The following GAS6 variants were observed in gnomAD, a reference collection of about 807,000 sequenced individuals.
GAS6 encodes growth arrest-specific protein 6.
Under a neutral mutation model 75.8 loss-of-function variants are expected in GAS6, and 41 were observed. The ratio of observed to expected loss-of-function variants is 0.54; its 90% CI spans 0.42 to 0.70. The LOEUF is 0.70. Among genes scored for constraint, GAS6 ranks in the 30% least tolerant of loss-of-function variants. The probability of loss-of-function intolerance (pLI) is 0.00; values close to 1 mark genes in which losing one functional copy is unlikely to be tolerated. For synonymous variants in GAS6, 432 were observed against 412.6 expected (o/e 1.05, Z -0.57); for missense variants, 854 against 940.2 (o/e 0.91, Z 1.20).
At position 113,822,171 on chromosome 13, in the gene GAS6, C is replaced by T. The variant is rs375892497; in HGVS notation, c.1669G>A (p.Val557Met). ...KLKKQLVVLAVEHTALALMEI... is the reference protein window; with the variant it reads ...KLKKQLVVLAMEHTALALMEI... Reference sequence around the variant, plus strand: ...ATTAGGGCCAAGGCCGTATGCTCCACGGCCAGGACCACCAGCTGCAGGAGA... The same window carrying T: ...ATTAGGGCCAAGGCCGTATGCTCCATGGCCAGGACCACCAGCTGCAGGAGA... Residue 557 changes from valine to methionine, a missense_variant, in exon 14 of 15, where the codon GTG (valine) becomes ATG (methionine). Coordinates refer to ENST00000327773, the MANE Select transcript of GAS6 (RefSeq NM_000820.4). 1.5e-5 allele frequency: 23 copies of T among 1,558,540 alleles called. No individual in the cohort carries two copies. Among genetic ancestry groups the T allele is most frequent in the East Asian group, 1.4e-4 (6 of 43,220 alleles).
intron 2 of GAS6, among the ~76,000 whole-genome samples, chr13:113,849,849 T>C (rs2051859976): frequency 6.6e-6 from 1 of 152,194 alleles, no homozygotes; most frequent in Admixed American, 6.5e-5. Flanking sequence ...GAGACAGTAA[T>C]GGAGGCAGAA....
chr13:113,829,830 C>T (rs1209137474), intron 10 of GAS6, among the ~76,000 whole-genome samples: 5 of 150,252 alleles, frequency 3.3e-5, no homozygotes, highest in Non-Finnish European at 5.9e-5. Flanking sequence ...GACCTGACCT[C>T]GGGGAGACCA....
intron 6 of GAS6, among the ~76,000 whole-genome samples, chr13:113,836,726 GAAT>G (rs1232988579): frequency 2.8e-4 from 4 of 14,276 alleles, no homozygotes; most frequent in Admixed American, 1.0e-3. Flanking sequence ...AAGAAGAGGG[GAAT>G]GAGGAGGAGG....
chr13:113,829,308 C>T (rs1402431575), intron 10 of GAS6, among the ~76,000 whole-genome samples: 10 of 151,156 alleles, frequency 6.6e-5, no homozygotes, highest in Admixed American at 3.3e-4. Flanking sequence ...CTCACCTGGG[C>T]GAAGAGGGTC....
At chr13:113,855,594 G>A (rs1434475562) in intron 2 of GAS6, among the ~76,000 whole-genome samples, 5 of 152,176 alleles carry the variant, frequency 3.3e-5, no homozygotes, top group South Asian at 4.1e-4. Flanking sequence ...GATCCAACGC[G>A]CAGGGGCCTG....
chr13:113,864,063 C>T lies in GAS6; in HGVS notation c.-143G>A, dbSNP rs1046042991. On this transcript the variant is annotated 5_prime_UTR_variant, in exon 1 of 15. Transcript: ENST00000327773. ...GGCGGCGGCGGCGGCTGCGGCACCT[C>T]AAGCGCTCGGTCTGGGCGTGTTCGG... The T allele has an allele frequency of 7.3e-4, 637 of 874,212 alleles. 2 individuals carry two copies. The Middle Eastern group carries it at 9.7e-3, about 13-fold the overall frequency. The allele number at this position is 874,212 out of a possible 1,614,324, so 54.2% of individuals were successfully genotyped here. A position where few individuals can be genotyped will look rare whatever the true frequency, so the allele number is the denominator to read the frequency against.
At chr13:113,849,372 G>C (rs1232483454) in intron 2 of GAS6, among the ~76,000 whole-genome samples, 5 of 152,156 alleles carry the variant, frequency 3.3e-5, no homozygotes, top group African/African-American at 7.2e-5. Context: ...GAAAAGGCAA[G>C]AACAGCCATA....
chr13:113,826,538 G>A lies in GAS6; in HGVS notation c.1477+458C>T, dbSNP rs1170394672. On this transcript the variant is annotated intron_variant, in intron 12 of 14. Transcript: ENST00000327773. Reference sequence around the variant, plus strand: ...CACCTTCTCTCCCCGGCCTCCCGGCGCCGGCCTCGCAGGCACCTTCTCTCC... The same window carrying A: ...CACCTTCTCTCCCCGGCCTCCCGGCACCGGCCTCGCAGGCACCTTCTCTCC... Among the ~76,000 whole-genome samples the A allele has an allele frequency of 5.8e-4, 45 of 78,204 alleles. 1 individual carries two copies. The highest frequency in any genetic ancestry group is 1.9e-3 in the African/African-American group (33 of 17,732). The allele number at this position is 78,204 out of a possible 152,430, so 51.3% of individuals were successfully genotyped here. A position where few individuals can be genotyped will look rare whatever the true frequency, so the allele number is the denominator to read the frequency against.
intron 5 of GAS6, 48 bp from the exon 6 acceptor site, chr13:113,838,239 C>T: frequency 6.2e-7 from 1 of 1,602,616 alleles, no homozygotes; most frequent in Non-Finnish European, 8.5e-7. Context: ...TGCACAGCCC[C>T]TGGCTACGGT....
chr13:113,826,761 ATC>A (rs1428373753), intron 12 of GAS6, among the ~76,000 whole-genome samples: 1 of 152,076 alleles, frequency 6.6e-6, no homozygotes, highest in Non-Finnish European at 1.5e-5. Context: ...TTCTCGGCAC[ATC>A]TCTCTCATTT....
intron 2 of GAS6, among the ~76,000 whole-genome samples, chr13:113,857,034 T>G (rs2051920623): frequency 6.6e-6 from 1 of 152,194 alleles, no homozygotes. Context: ...GGTCAAGCTG[T>G]GTGTTTTCCA....
intron 4 of GAS6, chr13:113,842,595 T>A: frequency 2.5e-6 from 1 of 396,958 alleles, no homozygotes; most frequent in Non-Finnish European, 4.4e-6. Context: ...ATGAGGGGCG[T>A]ATCCGCTTCT....
chr13:113,829,167 G>A (rs1474362590), intron 10 of GAS6, among the ~76,000 whole-genome samples: 8 of 102,616 alleles, frequency 7.8e-5, no homozygotes, highest in African/African-American at 4.8e-4. Flanking sequence ...ATCCTCCCCT[G>A]AGCCAAGAGG....
At chr13:113,856,726 G>C (rs1281604334) in intron 2 of GAS6, among the ~76,000 whole-genome samples, 1 of 152,218 alleles carries the variant, frequency 6.6e-6, no homozygotes, top group African/African-American at 2.4e-5. Context: ...TTCCAGGTGT[G>C]GTGGAGACAG....
chr13:113,832,450 T>C lies in GAS6; in HGVS notation c.992A>G (p.Glu331Gly). The C allele has an allele frequency of 6.2e-7, 1 of 1,607,578 alleles. No individual in the cohort carries two copies. The highest frequency in any genetic ancestry group is 8.5e-7 in the Non-Finnish European group (1 of 1,176,094). Residue 331 changes from glutamate to glycine, a missense_variant, in exon 10 of 15, where the codon GAG (glutamate) becomes GGG (glycine). Transcript: ENST00000327773. The stretch of plus-strand genomic sequence containing the variant: ...GCCTCCGGCAAAGAGGAGGATGCCC[T>C]CGGGGTCAAAGGTCCGGAAGTCAAA... ...AEFDFRTFDP[E>G]GILLFAGGHQ... is the part of the protein sequence containing the mutation.
rs1594185813 is a variant in GAS6, at chr13:113,821,956, A to C, written c.1882+2T>G. ...GGGTTGAGCGGAGCAGGGAGCACCTACCTGGCAGGCCGCCAGCAAAGGTGA... is the reference window on the plus strand; with the variant it reads ...GGGTTGAGCGGAGCAGGGAGCACCTCCCTGGCAGGCCGCCAGCAAAGGTGA... On this transcript the variant is annotated splice_donor_variant, in intron 14 of 14. Coordinates refer to ENST00000327773, the MANE Select transcript of GAS6 (RefSeq NM_000820.4). LOFTEE classifies it high-confidence loss of function. The C allele has an allele frequency of 6.5e-7, 1 of 1,527,506 alleles. No individual in the cohort carries two copies. Among genetic ancestry groups the C allele is most frequent in the Non-Finnish European group, 8.8e-7 (1 of 1,139,238 alleles). 94.6% of individuals were successfully genotyped at this position (1,527,506 alleles called of 1,614,324 possible).
chr13:113,825,799 G>A (rs564439330), intron 12 of GAS6, among the ~76,000 whole-genome samples: 2 of 149,028 alleles, frequency 1.3e-5, no homozygotes, highest in Admixed American at 6.6e-5. Context: ...TTCCTGACAC[G>A]GTCACGCTTT....
chr13:113,821,641 T>G (rs1229540406), intron 14 of GAS6: 3 of 372,004 alleles, frequency 8.1e-6, no homozygotes, highest in Admixed American at 8.6e-5. Flanking sequence ...TGGCCCGAGG[T>G]CTGCCCAGCC....
chr13:113,846,852 GCTC>G, intron 3 of GAS6: 1 of 524,996 alleles, frequency 1.9e-6, no homozygotes. Flanking sequence ...TTTCGAGGGG[GCTC>G]CTCCTGCCAT....
Sources: allele counts gnomAD v4.1 joint callset (sites outside exome capture counted in the v4.1 genomes callset), GRCh38; gene constraint gnomAD v4.1.1; transcripts MANE v1.5; gene names NCBI Gene and HGNC (gene_info 2026-07-23, HGNC 2026-07-21).